The following TMEM132B variants were observed in gnomAD, a reference collection of about 807,000 sequenced individuals.
The protein encoded by TMEM132B is transmembrane protein 132B.
In TMEM132B, 18 loss-of-function variants were observed where a neutral mutation model predicts 90.8. The ratio of observed to expected loss-of-function variants is 0.20; its 90% CI spans 0.14 to 0.29. The LOEUF is 0.29. Ranked by LOEUF, TMEM132B falls within the 10% of genes least tolerant of loss-of-function variation. TMEM132B has a pLI of 1.00. For missense variants in TMEM132B, 1,096 were observed against 1,326.8 expected, an observed-to-expected ratio of 0.83 and a Z score of 2.70; for synonymous variants, 504 against 523.3, an observed-to-expected ratio of 0.96 and a Z score of 0.50.
intron 1 of TMEM132B, among the ~76,000 whole-genome samples, chr12:125,258,370 C>T (rs185015026): frequency 7.3e-4 from 111 of 152,302 alleles, no homozygotes; most frequent in Non-Finnish European, 1.3e-3. Flanking sequence ...GCTGGGAAGG[C>T]TCTATGCTGG....
chr12:125,474,176 C>T (rs991459848), intron 3 of TMEM132B, among the ~76,000 whole-genome samples: 1 of 151,014 alleles, frequency 6.6e-6, no homozygotes, highest in Admixed American at 6.6e-5. Context: ...CTCTCTTCCT[C>T]TCTGACTGCT....
intron 3 of TMEM132B, among the ~76,000 whole-genome samples, chr12:125,454,548 A>G (rs1356544974): frequency 5.3e-5 from 8 of 152,210 alleles, no homozygotes; most frequent in Admixed American, 6.5e-5. Flanking sequence ...TCATATAGGC[A>G]TTTGCAAAGA....
At chr12:125,321,503 G>C (rs889308222) in intron 1 of TMEM132B, among the ~76,000 whole-genome samples, 16 of 142,140 alleles carry the variant, frequency 1.1e-4, no homozygotes, top group African/African-American at 5.3e-5. Flanking sequence ...TCTTTACGGA[G>C]TTTTGTTCCT....
Position 125,492,918 on chromosome 12 carries a change from A to G in TMEM132B, c.1107-26521A>G, listed in dbSNP as rs980252747. On this transcript the variant is annotated intron_variant, in intron 3 of 8. Transcript: ENST00000682704. This position sits in a 1 kb window ranked among gnomAD's most constrained non-coding sequence, Gnocchi z 5.8. Reference sequence around the variant, plus strand: ...GAAAATAAACCCGTGAAGATAGATAACTATCTAAGGACGAATGGCAAAGAG... The same window carrying G: ...GAAAATAAACCCGTGAAGATAGATAGCTATCTAAGGACGAATGGCAAAGAG... Among the ~76,000 whole-genome samples, 5 of 152,198 alleles carry G rather than the reference A, an allele frequency of 3.3e-5. No homozygotes were observed. The highest frequency in any genetic ancestry group is 1.2e-4 in the African/African-American group (5 of 41,456).
At chr12:125,616,653 G>A (rs188521656) in intron 5 of TMEM132B, among the ~76,000 whole-genome samples, 38 of 152,128 alleles carry the variant, frequency 2.5e-4, no homozygotes, top group Admixed American at 5.9e-4. Flanking sequence ...AAAATATATC[G>A]AAATATATTT....
intron 5 of TMEM132B, among the ~76,000 whole-genome samples, chr12:125,607,959 T>C (rs537194643): frequency 6.6e-6 from 1 of 152,356 alleles, no homozygotes; most frequent in Admixed American, 6.5e-5. Context: ...AACCCAATAA[T>C]ATTTCATTTG....
chr12:125,634,091 A>T (rs569752147), intron 5 of TMEM132B, among the ~76,000 whole-genome samples: 1 of 152,220 alleles, frequency 6.6e-6, no homozygotes, highest in Non-Finnish European at 1.5e-5. Flanking sequence ...AAACCTTGGA[A>T]GTCTACCTGG....
intron 3 of TMEM132B, among the ~76,000 whole-genome samples, chr12:125,515,383 TCA>T (rs915765958): frequency 1.0e-5 from 1 of 96,664 alleles, no homozygotes; most frequent in Admixed American, 1.2e-4. Flanking sequence ...CACACCTCTT[TCA>T]CACATTCTCT....
At position 125,406,490 on chromosome 12, in the gene TMEM132B, T is replaced by C. The variant is rs533985792; in HGVS notation, c.960-9041T>C. Among the ~76,000 whole-genome samples the C allele has an allele frequency of 3.3e-5, 5 of 152,298 alleles. 1 individual carries two copies. Among genetic ancestry groups the C allele is most frequent in the Admixed American group, 3.3e-4 (5 of 15,296 alleles). ...CAGTCTCAGTCTGTGGCCAAAACCA[T>C]CTGAGACTCACTGGTCTGGACTGAG... On this transcript the variant is annotated intron_variant, in intron 2 of 8. Coordinates refer to ENST00000682704, the MANE Select transcript of TMEM132B (RefSeq NM_001366854.1). The surrounding 1 kb of genome is among the most constrained non-coding windows in gnomAD (Gnocchi z 8.3).
chr12:125,606,865 C>T (rs1011960317), intron 5 of TMEM132B, among the ~76,000 whole-genome samples: 1 of 152,212 alleles, frequency 6.6e-6, no homozygotes, highest in African/African-American at 2.4e-5. Context: ...CCCAGAAGAC[C>T]TGAGCAAATA....
At chr12:125,334,647 A>G (rs1876895468) in intron 1 of TMEM132B, among the ~76,000 whole-genome samples, 1 of 152,186 alleles carries the variant, frequency 6.6e-6, no homozygotes, top group South Asian at 2.1e-4. Context: ...CAGCACGCTT[A>G]CCTATACTCG....
chr12:125,427,683 AC>A (rs1216219487), intron 3 of TMEM132B, among the ~76,000 whole-genome samples: 2 of 152,228 alleles, frequency 1.3e-5, no homozygotes, highest in African/African-American at 4.8e-5. Flanking sequence ...CTTAATCACC[AC>A]ATTGCCAGGT....
At chr12:125,614,630 A>T (rs1885943976) in intron 5 of TMEM132B, among the ~76,000 whole-genome samples, 1 of 152,130 alleles carries the variant, frequency 6.6e-6, no homozygotes, top group African/African-American at 2.4e-5. Context: ...GAAAAACAAC[A>T]AATGCTGGCA....
intron 3 of TMEM132B, among the ~76,000 whole-genome samples, chr12:125,432,955 C>A (rs1880585209): frequency 6.6e-6 from 1 of 152,156 alleles, no homozygotes; most frequent in African/African-American, 2.4e-5. Flanking sequence ...GACAAAAGCA[C>A]CTCAGAGTGG....
At chr12:125,249,265 A>G (rs528004372) in intron 1 of TMEM132B, among the ~76,000 whole-genome samples, 14 of 152,288 alleles carry the variant, frequency 9.2e-5, no homozygotes, top group African/African-American at 3.4e-4. Flanking sequence ...TCCATCCCAG[A>G]GTTTCTGATC....
intron 3 of TMEM132B, among the ~76,000 whole-genome samples, chr12:125,503,321 G>A (rs1408820741): frequency 6.6e-6 from 1 of 152,172 alleles, no homozygotes. Flanking sequence ...AGGTCAGTTA[G>A]CCTGATGGCC....
chr12:125,431,336 G>A (rs1178987588), intron 3 of TMEM132B, among the ~76,000 whole-genome samples: 1 of 152,038 alleles, frequency 6.6e-6, no homozygotes, highest in Non-Finnish European at 1.5e-5. Flanking sequence ...ATGACATGAT[G>A]AGAAACGCTG....
At chr12:125,584,087 C>G in intron 5 of TMEM132B, 93 bp downstream of exon 5, 4 of 1,568,598 alleles carry the variant, frequency 2.6e-6, no homozygotes, top group Non-Finnish European at 1.8e-6. Context: ...ACTGAGCATC[C>G]CATGCTCTAA....
At chr12:125,543,733 G>T (rs1420818776) in intron 4 of TMEM132B, among the ~76,000 whole-genome samples, 1 of 152,198 alleles carries the variant, frequency 6.6e-6, no homozygotes, top group East Asian at 1.9e-4. Flanking sequence ...AAATAGGAAA[G>T]CTTTTACACT....
Sources: gnomAD v4.1 joint callset for allele counts (sites outside exome capture counted in the v4.1 genomes callset) on GRCh38, gnomAD v4.1.1 for gene constraint, Gnocchi (gnomAD v3.1) non-coding constraint, MANE v1.5 for transcripts, NCBI Gene and HGNC (gene_info 2026-07-23, HGNC 2026-07-21) for gene names.